NDST3: variants seen among roughly 807,000 people sequenced by gnomAD.
The protein encoded by NDST3 is N-deacetylase and N-sulfotransferase 3.
In NDST3, 58 loss-of-function variants were observed where a neutral mutation model predicts 96.1. The ratio of observed to expected loss-of-function variants is 0.60; its 90% CI spans 0.49 to 0.75. The LOEUF is 0.75. Among genes scored for constraint, NDST3 ranks in the 30% least tolerant of loss-of-function variants. NDST3 has a pLI of 0.00. For synonymous variants in NDST3, 333 were observed against 359.7 expected (o/e 0.93, Z 0.84); for missense variants, 788 against 1,034.2 (o/e 0.76, Z 3.27).
At chr4:118,173,511 G>A (rs1471834279) in intron 6 of NDST3, among the ~76,000 whole-genome samples, 1 of 152,016 alleles carries the variant, frequency 6.6e-6, no homozygotes, top group Non-Finnish European at 1.5e-5. Context: ...AATGGGGAAT[G>A]AAAGCTGACA....
Position 118,257,751 on chromosome 4 carries a change from A to G in NDST3, c.*2039A>G, listed in dbSNP as rs1365502613. ...ATTAGCAGAAAAAATTGGAAAAATC[A>G]CCAATTTTTAAGACTCTTGACTCTA... On this transcript the variant is annotated 3_prime_UTR_variant, in exon 14 of 14. Transcript: ENST00000296499. The G allele has an allele frequency of 6.6e-6, 1 of 152,170 alleles. No homozygotes were observed. Among genetic ancestry groups the G allele is most frequent in the Non-Finnish European group, 1.5e-5 (1 of 68,020 alleles). 9.4% of individuals were successfully genotyped at this position (152,170 alleles called of 1,614,324 possible).
rs1002286850 is a variant in NDST3, at chr4:118,202,545, G to A, written c.1540-21946G>A. 2.6e-5 allele frequency among the ~76,000 whole-genome samples: 4 copies of A among 152,082 alleles called. 1 individual carries two copies. Among genetic ancestry groups the A allele is most frequent in the Non-Finnish European group, 5.9e-5 (4 of 67,988 alleles). ...AGATCTTTCACCTCCTTGGCTACCT[G>A]TATTCCTAGATATTTCATTTTCTTT... is the stretch of plus-strand genomic sequence containing the variant. On this transcript the variant is annotated intron_variant, in intron 6 of 13. Coordinates refer to ENST00000296499, the MANE Select transcript of NDST3 (RefSeq NM_004784.3).
At position 118,255,878 on chromosome 4, in the gene NDST3, T is replaced by C. The variant is rs2126018456; in HGVS notation, c.*166T>C. 1 of 788,292 alleles carries C rather than the reference T, an allele frequency of 1.3e-6. No individual in the cohort carries two copies. 48.8% of individuals were successfully genotyped at this position (788,292 alleles called of 1,614,324 possible). A position where few individuals can be genotyped will look rare whatever the true frequency, so the allele number is the denominator to read the frequency against. On this transcript the variant is annotated 3_prime_UTR_variant, in exon 14 of 14. Coordinates refer to ENST00000296499, the MANE Select transcript of NDST3 (RefSeq NM_004784.3). Reference sequence around the variant, plus strand: ...GATGATTAGAAAAAAAGAAAAAGTATGTGTTACAAGCCTTGAGGCCTGTGG... The same window carrying C: ...GATGATTAGAAAAAAAGAAAAAGTACGTGTTACAAGCCTTGAGGCCTGTGG...
Position 118,054,566 on chromosome 4 carries a change from A to G in NDST3, c.656A>G (p.Asp219Gly), listed in dbSNP as rs375465083. Residue 219 changes from aspartate (D) to glycine (G), a missense_variant, in exon 2 of 14, where the codon GAC becomes GGC. Asp to Gly is a moderately conservative substitution (Grantham distance 94). Coordinates refer to ENST00000296499, the MANE Select transcript of NDST3 (RefSeq NM_004784.3). ...KLEKGSLPGTDWTVFQINHSA... is the reference protein window; with the variant it reads ...KLEKGSLPGTGWTVFQINHSA... Reference sequence around the variant, plus strand: ...GAAAAAGGTTCTTTACCTGGAACTGACTGGACAGTTTTTCAGATTAATCAT... The same window carrying G: ...GAAAAAGGTTCTTTACCTGGAACTGGCTGGACAGTTTTTCAGATTAATCAT... 14 of 1,613,238 alleles carry G rather than the reference A, an allele frequency of 8.7e-6. No individual in the cohort carries two copies. In the African/African-American group the frequency reaches 1.3e-4, roughly 15 times the overall value.
In NDST3 at chr4:118,255,909, C is replaced by T. The variant is rs1742093833; in HGVS notation, c.*197C>T. 3 of 499,696 alleles carry T rather than the reference C, an allele frequency of 6.0e-6. No individual in the cohort carries two copies. Among genetic ancestry groups the T allele is most frequent in the Non-Finnish European group, 1.0e-5 (3 of 300,112 alleles). The allele number at this position is 499,696 out of a possible 1,614,324, so 31.0% of individuals were successfully genotyped here. A position where few individuals can be genotyped will look rare whatever the true frequency, so the allele number is the denominator to read the frequency against. ...ACAAGCCTTGAGGCCTGTGGCCTTT[C>T]TCTTAACCCATATCTGAGCCTGTGG... On this transcript the variant is annotated 3_prime_UTR_variant, in exon 14 of 14. Transcript: ENST00000296499.
At chr4:118,209,899 T>C (rs1738675809) in intron 6 of NDST3, among the ~76,000 whole-genome samples, 1 of 152,216 alleles carries the variant, frequency 6.6e-6, no homozygotes, top group Admixed American at 6.5e-5. Flanking sequence ...TCAGTGAATT[T>C]AAACCTTAGA....
At chr4:118,065,334 C>T (rs773509914) in intron 2 of NDST3, among the ~76,000 whole-genome samples, 1 of 152,110 alleles carries the variant, frequency 6.6e-6, no homozygotes, top group South Asian at 2.1e-4. Flanking sequence ...TCTGAGTCAA[C>T]AGTAGTTAAC....
chr4:118,246,372 G>A (rs551950832), intron 12 of NDST3, among the ~76,000 whole-genome samples: 2 of 152,126 alleles, frequency 1.3e-5, no homozygotes, highest in Admixed American at 6.5e-5. Context: ...TTGCAAGGCC[G>A]TGGCAGATGG....
chr4:118,088,529 T>C (rs1342010180), intron 2 of NDST3, among the ~76,000 whole-genome samples: 2 of 152,032 alleles, frequency 1.3e-5, no homozygotes, highest in Non-Finnish European at 2.9e-5. Context: ...CCAGGATACC[T>C]GAAGAAACAA....
intron 6 of NDST3, among the ~76,000 whole-genome samples, chr4:118,167,539 T>C (rs1292723267): frequency 6.6e-6 from 1 of 151,936 alleles, no homozygotes; most frequent in Non-Finnish European, 1.5e-5. Context: ...GTGGCATTTT[T>C]TACCGAAATA....
intron 12 of NDST3, among the ~76,000 whole-genome samples, chr4:118,249,731 T>TACACACACACACACACAC (rs60479821): frequency 0.01 from 1,458 of 145,558 alleles, 17 homozygotes; most frequent in South Asian, 0.02. Flanking sequence ...CAGCCCCACA[T>TACACACACACACACACAC]ACACACACAC....
At chr4:118,217,867 C>G (rs1187015873) in intron 6 of NDST3, among the ~76,000 whole-genome samples, 1 of 152,042 alleles carries the variant, frequency 6.6e-6, no homozygotes, top group Non-Finnish European at 1.5e-5. Flanking sequence ...GGAGATATCA[C>G]CACTGACCCC....
intron 12 of NDST3, among the ~76,000 whole-genome samples, chr4:118,251,113 TTTA>T (rs1235341240): frequency 2.9e-5 from 4 of 136,746 alleles, no homozygotes; most frequent in Non-Finnish European, 6.2e-5. Context: ...TATTTATTTA[TTTA>T]TTATTTTTAT....
chr4:118,144,246 T>C (rs1733780832), intron 6 of NDST3, among the ~76,000 whole-genome samples: 1 of 151,974 alleles, frequency 6.6e-6, no homozygotes, highest in Admixed American at 6.6e-5. Flanking sequence ...AGTGGCGCCA[T>C]CTCGGCTCAC....
chr4:118,238,121 A>AAG (rs377411135), intron 10 of NDST3, among the ~76,000 whole-genome samples: 7,323 of 91,070 alleles, frequency 0.08, 796 homozygotes, highest in Middle Eastern at 0.14. Flanking sequence ...CTGTCAAAAG[A>AAG]AGAGAGAGAG....
intron 6 of NDST3, among the ~76,000 whole-genome samples, chr4:118,162,749 T>C (rs549279080): frequency 1.6e-4 from 24 of 146,616 alleles, no homozygotes; most frequent in African/African-American, 5.4e-4. Flanking sequence ...AATTGACAAA[T>C]GGGATCTAAT....
At chr4:118,111,557 G>A (rs1360892290) in intron 3 of NDST3, among the ~76,000 whole-genome samples, 3 of 144,248 alleles carry the variant, frequency 2.1e-5, no homozygotes, top group Non-Finnish European at 4.5e-5. Flanking sequence ...TTTTTTTTGA[G>A]ATGGAGTCTC....
Position 118,035,005 on chromosome 4 carries a change from A to G in NDST3, c.-156+413A>G, listed in dbSNP as rs537268533. ...CCTCAAAAGGCTTTCTATTTGATGCAGTTTATAGACATTATTTAAAACTAT... is the reference window on the plus strand; with the variant it reads ...CCTCAAAAGGCTTTCTATTTGATGCGGTTTATAGACATTATTTAAAACTAT... On this transcript the variant is annotated intron_variant, in intron 1 of 13. Transcript: ENST00000296499. 1.2e-4 allele frequency among the ~76,000 whole-genome samples: 19 copies of G among 152,352 alleles called. No individual in the cohort carries two copies. In the South Asian group the frequency reaches 3.5e-3, roughly 28 times the overall value.
intron 6 of NDST3, among the ~76,000 whole-genome samples, chr4:118,175,106 G>A (rs7654695): frequency 0.054 from 8,267 of 152,104 alleles, 453 homozygotes; most frequent in African/African-American, 0.14. Context: ...ACCCTCTGGT[G>A]TACCTCATCA....
Sources: gnomAD v4.1 joint callset for allele counts (sites outside exome capture counted in the v4.1 genomes callset) on GRCh38, gnomAD v4.1.1 for gene constraint, MANE v1.5 for transcripts, NCBI Gene and HGNC (gene_info 2026-07-23, HGNC 2026-07-21) for gene names.